The following SHROOM3 variants were observed in gnomAD, a reference collection of about 807,000 sequenced individuals.
The protein encoded by SHROOM3 is protein Shroom3.
In SHROOM3, 47 loss-of-function variants were observed where a neutral mutation model predicts 138.6. That is an observed-to-expected ratio of 0.34 (90% CI 0.27 to 0.43). The LOEUF is 0.43. SHROOM3 is among the 20% of genes least tolerant of loss of function. SHROOM3 has a pLI of 1.00. For synonymous variants in SHROOM3, 1,062 were observed against 1,063.3 expected, an observed-to-expected ratio of 1.00 and a Z score of 0.02; for missense variants, 2,491 against 2,596.5, an observed-to-expected ratio of 0.96 and a Z score of 0.88.
intron 2 of SHROOM3, among the ~76,000 whole-genome samples, chr4:76,601,345 C>A (rs1417758456): frequency 1.3e-5 from 2 of 151,946 alleles, no homozygotes; most frequent in African/African-American, 4.8e-5. Flanking sequence ...AGGAAAGGCC[C>A]CCCAGTAGAG....
chr4:76,590,683 G>A (rs1734254024), intron 2 of SHROOM3, among the ~76,000 whole-genome samples: 2 of 151,804 alleles, frequency 1.3e-5, no homozygotes, highest in South Asian at 2.1e-4. Context: ...TGTACTTGGT[G>A]TTGAGGTCTT....
In SHROOM3 at chr4:76,741,779, G is replaced by A. The variant is rs758327818; in HGVS notation, c.3606G>A (p.Gly1202=). 9.5e-6 allele frequency: 15 copies of A among 1,575,670 alleles called. No individual in the cohort carries two copies. The highest frequency in any genetic ancestry group is 1.2e-5 in the Non-Finnish European group (14 of 1,161,078). The change falls in exon 5 of 11, where the codon GGG becomes GGA. Residue 1202 remains glycine, a synonymous_variant. Coordinates refer to ENST00000296043, the MANE Select transcript of SHROOM3 (RefSeq NM_020859.4). The surrounding 1 kb of genome is among the most constrained non-coding windows in gnomAD (Gnocchi z 6.2). ...GTGGAACAAGGGGCACCCAGAGAGG[G>A]GATGAGACCCCCAGGGAGCCATCCT... ...ANGGTRGTQR[G]DETPREPSSW...
At position 76,617,828 on chromosome 4, in the gene SHROOM3, C is replaced by CT. The variant is rs1055437499; in HGVS notation, c.323+62071dup. On this transcript the variant is annotated intron_variant, in intron 2 of 10. Transcript: ENST00000296043. ...CTGGATAGTCCTGTAAAATCTAAAACTTTTTTAACACTAAAATATTAACTG... is the reference window on the plus strand; with the variant it reads ...CTGGATAGTCCTGTAAAATCTAAAACTTTTTTTAACACTAAAATATTAACTG... 2.0e-5 allele frequency among the ~76,000 whole-genome samples: 3 copies of CT among 152,136 alleles called. No individual in the cohort carries two copies. The East Asian group carries it at 5.8e-4, about 29-fold the overall frequency.
In SHROOM3 at chr4:76,782,195, G is replaced by C. The variant is rs892981548; in HGVS notation, c.*3018G>C. ...AATGAAGGGAGGATCCACAGTGAAA[G>C]TGCCTGAGTTTCTCTATGAGACCAG... On this transcript the variant is annotated 3_prime_UTR_variant, in exon 11 of 11. Coordinates refer to ENST00000296043, the MANE Select transcript of SHROOM3 (RefSeq NM_020859.4). 2 of 152,206 alleles carry C rather than the reference G, an allele frequency of 1.3e-5. No individual in the cohort carries two copies. Among genetic ancestry groups the C allele is most frequent in the African/African-American group, 4.8e-5 (2 of 41,440 alleles). 9.4% of individuals were successfully genotyped at this position (152,206 alleles called of 1,614,324 possible).
intron 1 of SHROOM3, among the ~76,000 whole-genome samples, chr4:76,540,557 T>C (rs1733076858): frequency 6.6e-6 from 1 of 152,182 alleles, no homozygotes; most frequent in Admixed American, 6.5e-5. Context: ...AGCGGAAGAA[T>C]ATCTGGCCTA....
intron 4 of SHROOM3, among the ~76,000 whole-genome samples, chr4:76,735,642 C>T (rs1197182782): frequency 1.3e-5 from 2 of 151,076 alleles, no homozygotes; most frequent in Non-Finnish European, 2.9e-5. Flanking sequence ...GAGTTTGAGA[C>T]GTGCCTGGCC....
At chr4:76,668,052 C>T (rs1404411834) in intron 2 of SHROOM3, among the ~76,000 whole-genome samples, 2 of 151,550 alleles carry the variant, frequency 1.3e-5, no homozygotes, top group Non-Finnish European at 2.9e-5. Flanking sequence ...CGCCCCCTCT[C>T]CCTTGTCCAC....
intron 2 of SHROOM3, among the ~76,000 whole-genome samples, chr4:76,597,961 G>C (rs1174205240): frequency 6.6e-6 from 1 of 151,950 alleles, no homozygotes; most frequent in Admixed American, 6.6e-5. Flanking sequence ...AAATCTGAAG[G>C]ACCAGGTTCT....
chr4:76,490,875 G>T (rs575107093), intron 1 of SHROOM3, among the ~76,000 whole-genome samples: 1 of 133,266 alleles, frequency 7.5e-6, no homozygotes, highest in Admixed American at 7.8e-5. Flanking sequence ...GTGTTGGAGG[G>T]TGAAGTCACT....
rs1560616259 is a variant in SHROOM3 at position 76,755,145 on chromosome 4, A to T, written c.4662A>T (p.Val1554=). ...TCCCTCCACCTCCTCCCCACACTGT[A>T]TGTGAGGCGCAGCTGGACAGTGAGG... is the stretch of plus-strand genomic sequence containing the variant. ...DDFPPPPPHT[V]CEAQLDSEDP... is the part of the protein sequence containing the mutation. Residue 1554 remains valine, a synonymous_variant, in exon 7 of 11, where the codon GTA becomes GTT. Transcript: ENST00000296043. 1 of 1,611,228 alleles carries T rather than the reference A, an allele frequency of 6.2e-7. No homozygotes were observed. Among genetic ancestry groups the T allele is most frequent in the Non-Finnish European group, 8.5e-7 (1 of 1,179,624 alleles).
chr4:76,759,462 C>A, intron 8 of SHROOM3, 83 bp from the exon 9 acceptor site: 1 of 1,552,372 alleles, frequency 6.4e-7, no homozygotes, highest in Non-Finnish European at 8.9e-7. Flanking sequence ...TTGTTACGCA[C>A]TTCTGAATGG....
chr4:76,579,020 T>TA (rs1039691229), intron 2 of SHROOM3, among the ~76,000 whole-genome samples: 17 of 150,440 alleles, frequency 1.1e-4, no homozygotes, highest in Middle Eastern at 3.2e-3. Flanking sequence ...TTAAAAAATT[T>TA]AAAAAAAAAA....
chr4:76,461,666 T>C (rs1731145421), intron 1 of SHROOM3, among the ~76,000 whole-genome samples: 1 of 152,198 alleles, frequency 6.6e-6, no homozygotes, highest in African/African-American at 2.4e-5. Flanking sequence ...AGTGTGAAGG[T>C]ATGCTGTTGT....
intron 1 of SHROOM3, among the ~76,000 whole-genome samples, chr4:76,517,846 C>G (rs950610429): frequency 6.6e-6 from 1 of 152,124 alleles, no homozygotes; most frequent in South Asian, 2.1e-4. Context: ...AGCTTCCCAG[C>G]CATTCCCCGT....
Position 76,771,004 on chromosome 4 carries a change from C to T in SHROOM3, c.5622+106C>T, listed in dbSNP as rs1203292007. 3 of 1,421,416 alleles carry T rather than the reference C, an allele frequency of 2.1e-6. No individual in the cohort carries two copies. The African/African-American group carries it at 4.2e-5, about 20-fold the overall frequency. The allele number at this position is 1,421,416 out of a possible 1,614,324, so 88.1% of individuals were successfully genotyped here. A position where few individuals can be genotyped will look rare whatever the true frequency, so the allele number is the denominator to read the frequency against. On this transcript the variant is annotated intron_variant, in intron 10 of 10. Coordinates refer to ENST00000296043, the MANE Select transcript of SHROOM3 (RefSeq NM_020859.4). Reference sequence around the variant, plus strand: ...TTCTCTCAGGAAGATTTGTGGCAATCTCTTTGGGGCAGGGAGAGAATACAT... The same window carrying T: ...TTCTCTCAGGAAGATTTGTGGCAATTTCTTTGGGGCAGGGAGAGAATACAT...
Position 76,628,164 on chromosome 4 carries a change from A to T in SHROOM3, c.323+72401A>T, listed in dbSNP as rs569568089. ...TTTAAAAAGTTTTAGAAAGTGAGAT[A>T]TAAAAAAATTATAGAGTTAACATTG... On this transcript the variant is annotated intron_variant, in intron 2 of 10. Transcript: ENST00000296043. Among the ~76,000 whole-genome samples the T allele has an allele frequency of 2.2e-4, 34 of 152,360 alleles. 1 individual carries two copies. Among genetic ancestry groups the T allele is most frequent in the Admixed American group, 7.8e-4 (12 of 15,304 alleles).
At chr4:76,685,385 C>T (rs1719306636) in intron 2 of SHROOM3, among the ~76,000 whole-genome samples, 1 of 143,396 alleles carries the variant, frequency 7.0e-6, no homozygotes, top group Admixed American at 7.1e-5. Context: ...AAAAAAAAAT[C>T]ACAAAAAAAA....
chr4:76,696,324 G>A (rs1300646900), intron 2 of SHROOM3, among the ~76,000 whole-genome samples: 1 of 152,150 alleles, frequency 6.6e-6, no homozygotes, highest in Admixed American at 6.5e-5. Context: ...CTAACATTAA[G>A]CCCTTTGTGT....
At chr4:76,516,800 C>T (rs1732453429) in intron 1 of SHROOM3, among the ~76,000 whole-genome samples, 1 of 152,078 alleles carries the variant, frequency 6.6e-6, no homozygotes, top group Admixed American at 6.6e-5. Flanking sequence ...ACCTCCAATC[C>T]CACCCCAAGT....
Sources: allele counts gnomAD v4.1 joint callset (sites outside exome capture counted in the v4.1 genomes callset), GRCh38; gene constraint gnomAD v4.1.1; non-coding constraint Gnocchi (gnomAD v3.1); transcripts MANE v1.5; gene names NCBI Gene and HGNC (gene_info 2026-07-23, HGNC 2026-07-21).